PTPRD: variants seen among roughly 807,000 people sequenced by gnomAD.
PTPRD encodes the protein protein tyrosine phosphatase receptor type D.
Under a neutral mutation model 214.5 loss-of-function variants are expected in PTPRD, and 34 were observed. The ratio of observed to expected loss-of-function variants is 0.16; its 90% confidence interval spans 0.12 to 0.21. The LOEUF is 0.21. PTPRD is among the 10% of genes least tolerant of loss of function. The probability of loss-of-function intolerance (pLI) is 1.00; values close to 1 mark genes in which losing one functional copy is unlikely to be tolerated. For synonymous variants in PTPRD, 1,128 were observed against 845.7 expected, an observed-to-expected ratio of 1.33 and a Z score of -5.79; for missense variants, 2,545 against 2,398.7, an observed-to-expected ratio of 1.06 and a Z score of -1.27.
intron 9 of PTPRD, among the ~76,000 whole-genome samples, chr9:9,381,215 A>T (rs561013213): frequency 4.8e-4 from 73 of 152,124 alleles, no homozygotes; most frequent in African/African-American, 1.7e-3. Context: ...TTTTAATACT[A>T]TTAAATTTGT....
chr9:10,042,432 C>A (rs776086966), intron 3 of PTPRD, among the ~76,000 whole-genome samples: 2 of 151,892 alleles, frequency 1.3e-5, no homozygotes, highest in Non-Finnish European at 2.9e-5. Flanking sequence ...AGAAACCTAC[C>A]TGTCCAGACC....
intron 5 of PTPRD, among the ~76,000 whole-genome samples, chr9:9,815,407 T>G (rs1169891332): frequency 3.3e-5 from 5 of 152,082 alleles, no homozygotes; most frequent in Admixed American, 1.3e-4. Context: ...ACTAAAGCTA[T>G]AAAACTAAAA....
chr9:9,193,771 C>T (rs1040598702), intron 9 of PTPRD, among the ~76,000 whole-genome samples: 13 of 152,024 alleles, frequency 8.6e-5, no homozygotes, highest in South Asian at 2.1e-4. Flanking sequence ...AGTCTGTGAG[C>T]GAGTGATGAG....
intron 5 of PTPRD, among the ~76,000 whole-genome samples, chr9:9,786,670 G>T (rs1249793630): frequency 6.6e-6 from 1 of 152,044 alleles, no homozygotes; most frequent in African/African-American, 2.4e-5. Context: ...CCACACTAAT[G>T]TAAATGATCA....
chr9:10,153,763 A>T (rs182241075), intron 3 of PTPRD, among the ~76,000 whole-genome samples: 45 of 152,130 alleles, frequency 3.0e-4, no homozygotes, highest in Non-Finnish European at 5.2e-4. Flanking sequence ...GCTCCCACTT[A>T]TAAATTAGAA....
At chr9:8,951,675 C>A (rs1432173503) in intron 11 of PTPRD, among the ~76,000 whole-genome samples, 1 of 152,012 alleles carries the variant, frequency 6.6e-6, no homozygotes, top group African/African-American at 2.4e-5. Context: ...TTCTTTCATT[C>A]AGGCAGTTAG....
At chr9:9,657,895 TC>T (rs747859556) in intron 7 of PTPRD, among the ~76,000 whole-genome samples, 5 of 152,096 alleles carry the variant, frequency 3.3e-5, no homozygotes, top group Admixed American at 1.3e-4. Flanking sequence ...AGTGAGATTT[TC>T]CCCCCGACCT....
chr9:10,366,320 A>G (rs1281648722), intron 2 of PTPRD, among the ~76,000 whole-genome samples: 2 of 152,198 alleles, frequency 1.3e-5, no homozygotes, highest in Non-Finnish European at 2.9e-5. Context: ...ATGTATACAG[A>G]ATACGGAAGG....
chr9:8,939,589 A>ACC (rs1185224506), intron 11 of PTPRD, among the ~76,000 whole-genome samples: 3 of 151,892 alleles, frequency 2.0e-5, no homozygotes, highest in Non-Finnish European at 4.4e-5. Flanking sequence ...ACACACACAC[A>ACC]CATCAGCTTA....
chr9:8,825,206 C>T (rs1328040518), intron 11 of PTPRD, among the ~76,000 whole-genome samples: 1 of 152,126 alleles, frequency 6.6e-6, no homozygotes, highest in Non-Finnish European at 1.5e-5. Flanking sequence ...AGGTTAGAAA[C>T]CCTGTATAGG....
chr9:8,981,322 T>C (rs1444741477), intron 11 of PTPRD, among the ~76,000 whole-genome samples: 1 of 152,094 alleles, frequency 6.6e-6, no homozygotes, highest in Non-Finnish European at 1.5e-5. Context: ...AGGGGATGTC[T>C]ACACACTAAA....
At chr9:10,265,227 C>G (rs1248922417) in intron 3 of PTPRD, among the ~76,000 whole-genome samples, 16 of 152,160 alleles carry the variant, frequency 1.1e-4, no homozygotes, top group Admixed American at 1.0e-3. Context: ...GGAGCTTACT[C>G]TCCCTTGCTG....
chr9:10,067,147 G>C (rs1429869574), intron 3 of PTPRD, among the ~76,000 whole-genome samples: 1 of 151,812 alleles, frequency 6.6e-6, no homozygotes, highest in East Asian at 1.9e-4. Context: ...TTGGCATTGT[G>C]AATCATATAA....
At chr9:10,463,618 G>C (rs185376405) in intron 2 of PTPRD, among the ~76,000 whole-genome samples, 35 of 151,398 alleles carry the variant, frequency 2.3e-4, no homozygotes, top group African/African-American at 8.1e-4. Context: ...AGGAAAAAGA[G>C]GGTTTTTTTT....
At chr9:9,588,150 T>C (rs1440573730) in intron 7 of PTPRD, among the ~76,000 whole-genome samples, 2 of 151,554 alleles carry the variant, frequency 1.3e-5, no homozygotes, top group Admixed American at 6.6e-5. Flanking sequence ...CAGAAAAAAA[T>C]AGACCCAGTG....
intron 11 of PTPRD, among the ~76,000 whole-genome samples, chr9:8,833,786 T>C (rs1427117854): frequency 1.1e-5 from 1 of 94,090 alleles, no homozygotes; most frequent in African/African-American, 5.7e-5. Flanking sequence ...ATTTAATAAC[T>C]GTTAAAATTT....
chr9:9,249,236 G>A (rs1200642346), intron 9 of PTPRD, among the ~76,000 whole-genome samples: 1 of 151,762 alleles, frequency 6.6e-6, no homozygotes, highest in Non-Finnish European at 1.5e-5. Context: ...CTTTCTCCTC[G>A]TGACATGCCT....
chr9:9,577,044 G>C (rs568360249), intron 7 of PTPRD, among the ~76,000 whole-genome samples: 1 of 152,196 alleles, frequency 6.6e-6, no homozygotes, highest in Middle Eastern at 3.4e-3. Flanking sequence ...ACACTGATCA[G>C]ATATGTTGGG....
chr9:9,175,576 T>C (rs146238132), intron 10 of PTPRD, among the ~76,000 whole-genome samples: 2,478 of 141,350 alleles, frequency 0.018, 71 homozygotes, highest in African/African-American at 0.064. Flanking sequence ...TGAGCCGAGA[T>C]TGCGCTGCTG....
Sources: gnomAD v4.1 joint callset for allele counts (sites outside exome capture counted in the v4.1 genomes callset) on GRCh38, gnomAD v4.1.1 for gene constraint, MANE v1.5 for transcripts, NCBI Gene and HGNC (gene_info 2026-07-23, HGNC 2026-07-21) for gene names.